Variants in MAGI1 observed in about 807,000 individuals in gnomAD.
The protein encoded by MAGI1 is membrane associated guanylate kinase, WW and PDZ domain containing 1.
MAGI1 carries 58 observed loss-of-function variants against 139.9 expected under a neutral mutation model. The observed-to-expected ratio is 0.41, with a 90% CI of 0.34 to 0.52. MAGI1 has a LOEUF of 0.52. Ranked by LOEUF, MAGI1 falls within the 20% of genes least tolerant of loss-of-function variation. MAGI1 has a pLI of 0.12. For synonymous variants in MAGI1, 812 were observed against 737.9 expected (o/e 1.10, Z -1.63); for missense variants, 1,874 against 1,901.6 (o/e 0.99, Z 0.27).
intron 2 of MAGI1, among the ~76,000 whole-genome samples, chr3:65,509,050 C>T (rs774244290): frequency 6.6e-6 from 1 of 152,168 alleles, no homozygotes; most frequent in Non-Finnish European, 1.5e-5. Context: ...AGATACTTGC[C>T]TCTTAACCTA....
intron 1 of MAGI1, among the ~76,000 whole-genome samples, chr3:66,027,901 C>CA (rs2068376460): frequency 6.6e-6 from 1 of 152,132 alleles, no homozygotes; most frequent in African/African-American, 2.4e-5. Context: ...TTGTGACAAC[C>CA]AAAAATGGCT....
chr3:65,562,250 A>G (rs1207150980), intron 2 of MAGI1, among the ~76,000 whole-genome samples: 1 of 152,206 alleles, frequency 6.6e-6, no homozygotes, highest in Non-Finnish European at 1.5e-5. Context: ...ACAAAACCAT[A>G]AAACTTACCA....
chr3:65,582,385 C>T (rs1304287786), intron 2 of MAGI1, among the ~76,000 whole-genome samples: 3 of 152,180 alleles, frequency 2.0e-5, no homozygotes, highest in Non-Finnish European at 4.4e-5. Flanking sequence ...CTAGTCTCCT[C>T]ATGGTTGGTT....
At chr3:65,469,895 AT>A (rs1476494095) in intron 5 of MAGI1, 2 of 140,022 alleles carry the variant, frequency 1.4e-5, no homozygotes, top group South Asian at 4.2e-4. Context: ...CAATATATTT[AT>A]TTTTAATATA....
At chr3:65,633,262 C>T (rs954767165) in intron 1 of MAGI1, among the ~76,000 whole-genome samples, 2 of 152,168 alleles carry the variant, frequency 1.3e-5, no homozygotes, top group African/African-American at 4.8e-5. Flanking sequence ...CACATGACTC[C>T]AGACACGGGG....
Position 65,381,918 on chromosome 3 carries a change from C to G in MAGI1, c.2660G>C (p.Gly887Ala). The G allele has an allele frequency of 6.2e-7, 1 of 1,613,938 alleles. No individual in the cohort carries two copies. Among genetic ancestry groups the G allele is most frequent in the African/African-American group, 1.3e-5 (1 of 75,024 alleles). Residue 887 changes from glycine to alanine, a missense_variant, in exon 16 of 23, where the codon GGC becomes GCC. Gly to Ala is a moderately conservative substitution (Grantham distance 60). Around this residue, in one of 5 missense-constraint regions of MAGI1, gnomAD observed 482 missense variants for 509.6 expected, o/e 0.95. Coordinates refer to ENST00000402939, the MANE Select transcript of MAGI1 (RefSeq NM_001033057.2). ...ACGCCGCACCGTGAGATTGACGTGG[C>G]CTTGCTTGGCAGCTTGTTGCATAAG... ...VQLMQQAAKQ[G>A]HVNLTVRRKV... is the part of the protein sequence containing the mutation.
At chr3:65,895,924 A>G (rs2108596459) in intron 1 of MAGI1, among the ~76,000 whole-genome samples, 1 of 152,330 alleles carries the variant, frequency 6.6e-6, no homozygotes, top group Non-Finnish European at 1.5e-5. Context: ...CTACAAGCAG[A>G]TAGATACCCA....
intron 1 of MAGI1, among the ~76,000 whole-genome samples, chr3:66,027,538 A>C (rs1224299878): frequency 6.6e-6 from 1 of 152,152 alleles, no homozygotes; most frequent in African/African-American, 2.4e-5. Flanking sequence ...TCTGAGTTTG[A>C]ATCTCACCTA....
intron 1 of MAGI1, among the ~76,000 whole-genome samples, chr3:65,667,987 T>C (rs1373599251): frequency 6.6e-6 from 1 of 152,208 alleles, no homozygotes; most frequent in East Asian, 1.9e-4. Context: ...ATGTTTCTGT[T>C]AATTTAATGA....
At chr3:65,549,669 G>A (rs756183598) in intron 2 of MAGI1, among the ~76,000 whole-genome samples, 1 of 152,076 alleles carries the variant, frequency 6.6e-6, no homozygotes, top group African/African-American at 2.4e-5. Flanking sequence ...CTGCCTGCCC[G>A]CCCCCATCCT....
At chr3:65,981,381 T>C (rs1432486721) in intron 1 of MAGI1, among the ~76,000 whole-genome samples, 1 of 152,142 alleles carries the variant, frequency 6.6e-6, no homozygotes, top group East Asian at 1.9e-4. Flanking sequence ...TGGTAAAATA[T>C]GACCATTAAG....
chr3:65,776,078 A>G (rs1382496288), intron 1 of MAGI1, among the ~76,000 whole-genome samples: 1 of 152,188 alleles, frequency 6.6e-6, no homozygotes, highest in African/African-American at 2.4e-5. Flanking sequence ...ATAAATTACT[A>G]TAAGAATTTT....
intron 1 of MAGI1, among the ~76,000 whole-genome samples, chr3:65,626,105 C>T (rs1022353791): frequency 3.3e-5 from 5 of 152,156 alleles, no homozygotes; most frequent in Admixed American, 6.5e-5. Context: ...TCTTAGGTGA[C>T]AAGAGTTCTT....
At chr3:65,524,077 G>A (rs1362823576) in intron 2 of MAGI1, among the ~76,000 whole-genome samples, 1 of 152,138 alleles carries the variant, frequency 6.6e-6, no homozygotes, top group Non-Finnish European at 1.5e-5. Context: ...AAGGAAAAAT[G>A]GGAAGAGAAA....
intron 20 of MAGI1, 55 bp from the exon 21 acceptor site, chr3:65,363,663 C>A: frequency 6.7e-7 from 1 of 1,502,502 alleles, no homozygotes; most frequent in East Asian, 2.3e-5. Context: ...CCATAGGACT[C>A]TTCCTAAACA....
chr3:65,798,470 C>T (rs2040295696), intron 1 of MAGI1, among the ~76,000 whole-genome samples: 1 of 152,108 alleles, frequency 6.6e-6, no homozygotes, highest in South Asian at 2.1e-4. Context: ...TCTGAAGTTC[C>T]AAAGGAAGCC....
At chr3:66,024,846 C>T (rs2068161529) in intron 1 of MAGI1, among the ~76,000 whole-genome samples, 1 of 152,106 alleles carries the variant, frequency 6.6e-6, no homozygotes, top group South Asian at 2.1e-4. Context: ...CAGTTTCTGA[C>T]TTGTGAAGAC....
rs562461701 is a variant in MAGI1 at position 65,610,533 on chromosome 3, T to C, written c.430+11439A>G. 1.8e-3 allele frequency among the ~76,000 whole-genome samples: 273 copies of C among 151,892 alleles called. 1 individual carries two copies. Among genetic ancestry groups the C allele is most frequent in the African/African-American group, 3.5e-3 (143 of 41,426 alleles). On this transcript the variant is annotated intron_variant, in intron 2 of 22. Coordinates refer to ENST00000402939, the MANE Select transcript of MAGI1 (RefSeq NM_001033057.2). ...ACTGAAACAGATATATCTTTTTTTT[T>C]CCCAAGTCACTAATTAAGTGAACTT... is the stretch of plus-strand genomic sequence containing the variant.
At chr3:65,601,533 AC>A (rs2082481816) in intron 2 of MAGI1, among the ~76,000 whole-genome samples, 1 of 152,212 alleles carries the variant, frequency 6.6e-6, no homozygotes, top group African/African-American at 2.4e-5. Flanking sequence ...AAATTAAAAA[AC>A]AAAAGTAGAA....
Sources: allele counts gnomAD v4.1 joint callset (sites outside exome capture counted in the v4.1 genomes callset), GRCh38; gene constraint gnomAD v4.1.1; regional missense constraint gnomAD v4.1.1; transcripts MANE v1.5; gene names NCBI Gene and HGNC (gene_info 2026-07-23, HGNC 2026-07-21).